Variants in MAN2B1 observed in about 807,000 individuals in gnomAD.
MAN2B1 encodes lysosomal alpha-mannosidase.
MAN2B1 carries 99 observed loss-of-function variants against 127.5 expected under a neutral mutation model. The ratio of observed to expected loss-of-function variants is 0.78; its 90% CI spans 0.66 to 0.92. The LOEUF (loss-of-function observed/expected upper bound fraction) is 0.92, where lower values mean the gene tolerates loss of function less well. Ranked by LOEUF, MAN2B1 falls within the 40% of genes least tolerant of loss-of-function variation. The pLI, the probability that MAN2B1 is intolerant of heterozygous loss-of-function variation, is 0.00. For synonymous variants in MAN2B1, 573 were observed against 568.8 expected, an observed-to-expected ratio of 1.01 and a Z score of -0.11; for missense variants, 1,304 against 1,384.8, an observed-to-expected ratio of 0.94 and a Z score of 0.93.
At position 12,664,961 on chromosome 19, in the gene MAN2B1, C is replaced by A; in HGVS notation, c.461G>T (p.Gly154Val). The A allele has an allele frequency of 2.5e-6, 4 of 1,613,950 alleles. No homozygotes were observed. Among genetic ancestry groups the A allele is most frequent in the Non-Finnish European group, 3.4e-6 (4 of 1,180,046 alleles). ...RQGRLEFANG[G>V]WVMNDEAATH... is the part of the protein sequence containing the mutation. ...GGCTGCCTCATCGTTCATCACCCAG[C>A]CACCATTGGCGAACTCCAGGCGCCC... Residue 154 changes from glycine (G) to valine (V), a missense_variant, in exon 4 of 24, where the codon GGC becomes GTC. Coordinates refer to ENST00000456935, the MANE Select transcript of MAN2B1 (RefSeq NM_000528.4).
intron 12 of MAN2B1, 110 bp from the exon 13 acceptor site, chr19:12,656,797 AG>A: frequency 9.3e-7 from 1 of 1,072,104 alleles, no homozygotes; most frequent in Non-Finnish European, 1.4e-6. Context: ...ACGGCACTTA[AG>A]GCCAAGCCCC....
Position 12,665,493 on chromosome 19 carries a change from A to G in MAN2B1, c.295T>C (p.Tyr99His), listed in dbSNP as rs794727484. The G allele has an allele frequency of 6.2e-7, 1 of 1,614,200 alleles. No individual in the cohort carries two copies. Among genetic ancestry groups the G allele is most frequent in the South Asian group, 1.1e-5 (1 of 91,088 alleles). ...KNDIQHAGVQ[Y>H]ILDSVISALL... The stretch of plus-strand genomic sequence containing the variant: ...GCAGAGATGACCGAGTCCAGGATGT[A>G]CTGCACACCGGCGTGCTGGATGTCA... Residue 99 changes from tyrosine to histidine, a missense_variant, in exon 3 of 24, where the codon TAC becomes CAC. Transcript: ENST00000456935.
rs1287151465 is a variant in MAN2B1, at chr19:12,664,804, C to T, written c.618G>A (p.Ser206=). Residue 206 remains serine (S), a synonymous_variant, in exon 4 of 24, where the codon TCG becomes TCA. Transcript: ENST00000456935. Reference sequence around the variant, plus strand: ...TCCCGGGTCGCACCTGCGCAAACAGCGAGGCCTGCTCCCGAGAGTGGCCGA... The same window carrying T: ...TCCCGGGTCGCACCTGCGCAAACAGTGAGGCCTGCTCCCGAGAGTGGCCGA... ...DPFGHSREQA[S]LFAQMGFDGF... is the part of the protein sequence containing the mutation. The T allele has an allele frequency of 1.5e-5, 25 of 1,612,992 alleles. No homozygotes were observed. Among genetic ancestry groups the T allele is most frequent in the Non-Finnish European group, 1.9e-5 (23 of 1,179,744 alleles).
chr19:12,649,321 G>A lies in MAN2B1; in HGVS notation c.2355+20C>T, dbSNP rs369249171. The A allele has an allele frequency of 8.8e-5, 141 of 1,608,558 alleles. No homozygotes were observed. Among genetic ancestry groups the A allele is most frequent in the African/African-American group, 8.0e-5 (6 of 74,722 alleles). The stretch of plus-strand genomic sequence containing the variant: ...TCCCTTTCTATCGAGGTGGGGAGGT[G>A]CAGGATGGGGGAGAGCTACCGTGAT... On this transcript the variant is annotated intron_variant, in intron 19 of 23. Coordinates refer to ENST00000456935, the MANE Select transcript of MAN2B1 (RefSeq NM_000528.4).
chr19:12,659,295 A>C (rs1840597553), intron 7 of MAN2B1, among the ~76,000 whole-genome samples: 2 of 144,156 alleles, frequency 1.4e-5, no homozygotes, highest in Admixed American at 7.0e-5. Flanking sequence ...GTGCTCAATA[A>C]ACTTTTTTTT....
chr19:12,651,684 G>A (rs1292477817), intron 16 of MAN2B1, among the ~76,000 whole-genome samples: 1 of 152,154 alleles, frequency 6.6e-6, no homozygotes, highest in East Asian at 1.9e-4. Flanking sequence ...GAGAGGCCCT[G>A]GGAAACCACT....
chr19:12,657,994 G>T (rs996109516), intron 10 of MAN2B1, 69 bp downstream of exon 10: 12 of 1,231,940 alleles, frequency 9.7e-6, no homozygotes, highest in African/African-American at 7.5e-5. Context: ...AGAAACTCGA[G>T]GGGGGCGGCC....
chr19:12,663,732 A>C lies in MAN2B1; in HGVS notation c.734T>G (p.Leu245Arg). 6.2e-7 allele frequency: 1 copy of C among 1,613,282 alleles called. No individual in the cohort carries two copies. Among genetic ancestry groups the C allele is most frequent in the Non-Finnish European group, 8.5e-7 (1 of 1,179,884 alleles). The change falls in exon 5 of 24, where the codon CTG (leucine) becomes CGG (arginine). Residue 245 changes from leucine to arginine, a missense_variant. Coordinates refer to ENST00000456935, the MANE Select transcript of MAN2B1 (RefSeq NM_000528.4). ...MEQVWRASTS[L>R]KPPTADLFTG... is the part of the protein sequence containing the mutation. ...GAAGAGGTCCGCGGTCGGGGGCTTC[A>C]GGCTGGTGCTGGCCCGCCACACCTG...
rs1228433382 is a variant in MAN2B1 at position 12,666,693 on chromosome 19, G to A, written c.9C>T (p.Ala3=). The A allele has an allele frequency of 5.8e-6, 9 of 1,549,436 alleles. No individual in the cohort carries two copies. Among genetic ancestry groups the A allele is most frequent in the South Asian group, 1.2e-5 (1 of 84,118 alleles). MG[A]YARASGVCAR... is the part of the protein sequence containing the mutation. The stretch of plus-strand genomic sequence containing the variant: ...CGCAGACCCCCGAAGCCCGCGCGTA[G>A]GCGCCCATGGCTCAGCAGCTTCCTC... The change falls in exon 1 of 24, where the codon GCC becomes GCT. Residue 3 remains alanine (A), a synonymous_variant. Coordinates refer to ENST00000456935, the MANE Select transcript of MAN2B1 (RefSeq NM_000528.4).
chr19:12,657,859 T>C lies in MAN2B1; in HGVS notation c.1309+204A>G. On this transcript the variant is annotated intron_variant, in intron 10 of 23. Coordinates refer to ENST00000456935, the MANE Select transcript of MAN2B1 (RefSeq NM_000528.4). Reference sequence around the variant, plus strand: ...AGTCCCAGCTACTCGGGAGGCTGAGTCAGGAGAATGGCGTGAACACGGGAG... The same window carrying C: ...AGTCCCAGCTACTCGGGAGGCTGAGCCAGGAGAATGGCGTGAACACGGGAG... 6.5e-6 allele frequency: 4 copies of C among 618,482 alleles called. No individual in the cohort carries two copies. In the South Asian group the frequency reaches 7.9e-5, roughly 12 times the overall value. 38.3% of individuals were successfully genotyped at this position (618,482 alleles called of 1,614,324 possible).
intron 13 of MAN2B1, 28 bp downstream of exon 13, chr19:12,656,543 C>T (rs767822152): frequency 1.3e-6 from 2 of 1,518,006 alleles, no homozygotes; most frequent in Middle Eastern, 1.8e-4. Flanking sequence ...GGAGTCCCAG[C>T]GGGGGAATAT....
At chr19:12,656,330 C>CT in intron 13 of MAN2B1, 1 of 524,556 alleles carries the variant, frequency 1.9e-6, no homozygotes, top group Non-Finnish European at 3.4e-6. Context: ...GCACTCCAGC[C>CT]TGGGTGACAG....
chr19:12,648,479 G>T, intron 20 of MAN2B1, 77 bp from the exon 21 acceptor site: 1 of 1,053,744 alleles, frequency 9.5e-7, no homozygotes, highest in Non-Finnish European at 1.4e-6. Flanking sequence ...GGGTAAGGGC[G>T]TGTGGGAATG....
chr19:12,657,949 C>T (rs556339539), intron 10 of MAN2B1, 114 bp downstream of exon 10: 3 of 920,778 alleles, frequency 3.3e-6, no homozygotes, highest in Admixed American at 2.7e-5. Context: ...ATCGAGACTC[C>T]GTCTCAAAAA....
In MAN2B1 at chr19:12,652,402, T is replaced by C. The variant is rs539124424; in HGVS notation, c.1889A>G (p.Asn630Ser). 5 of 1,614,170 alleles carry C rather than the reference T, an allele frequency of 3.1e-6. No homozygotes were observed. In the African/African-American group the frequency reaches 5.3e-5, roughly 17 times the overall value. Reference sequence around the variant, plus strand: ...GCGAACAGGCAGCAGGAGTTGCTGATTCATGTTCATAATCTCCATCAACAG... The same window carrying C: ...GCGAACAGGCAGCAGGAGTTGCTGACTCATGTTCATAATCTCCATCAACAG... ...TGLLMEIMNM[N>S]QQLLLPVRQT... Residue 630 changes from asparagine to serine, a missense_variant, in exon 15 of 24, where the codon AAT becomes AGT. Asn to Ser is a conservative substitution (Grantham distance 46). Transcript: ENST00000456935.
intron 7 of MAN2B1, 124 bp downstream of exon 7, chr19:12,661,136 T>C (rs748450741): frequency 2.0e-5 from 15 of 765,180 alleles, no homozygotes; most frequent in Non-Finnish European, 3.3e-5. Context: ...TGGTCATTTG[T>C]TATAGAATGA....
intron 14 of MAN2B1, 151 bp from the exon 15 acceptor site, chr19:12,652,611 A>G (rs938688938): frequency 1.6e-6 from 1 of 621,630 alleles, no homozygotes; most frequent in Admixed American, 2.7e-5. Context: ...GGCTCACTGC[A>G]CCCCCCACCT....
At chr19:12,661,193 CA>C in intron 7 of MAN2B1, 66 bp downstream of exon 7, 2 of 1,103,380 alleles carry the variant, frequency 1.8e-6, no homozygotes. Flanking sequence ...GAGCTATGCA[CA>C]TAACCCAAGG....
chr19:12,663,485 G>C lies in MAN2B1; in HGVS notation c.764-23C>G, dbSNP rs762330547. The C allele has an allele frequency of 5.6e-6, 9 of 1,612,454 alleles. No individual in the cohort carries two copies. In the Admixed American group the frequency reaches 1.5e-4, roughly 27 times the overall value. On this transcript the variant is annotated intron_variant, in intron 5 of 23. Transcript: ENST00000456935. Reference sequence around the variant, plus strand: ...CACCTGCAGGTCACACCAAGTTCAAGGGGTGGCCCATCACCCAGACCTTCC... The same window carrying C: ...CACCTGCAGGTCACACCAAGTTCAACGGGTGGCCCATCACCCAGACCTTCC...
Sources: gnomAD v4.1 joint callset for allele counts (sites outside exome capture counted in the v4.1 genomes callset) on GRCh38, gnomAD v4.1.1 for gene constraint, MANE v1.5 for transcripts, NCBI Gene and HGNC (gene_info 2026-07-23, HGNC 2026-07-21) for gene names.